Variants in TRPM1 observed in about 807,000 individuals in gnomAD.
The protein encoded by TRPM1 is transient receptor potential cation channel subfamily M member 1.
Under a neutral mutation model 149.4 loss-of-function variants are expected in TRPM1, and 113 were observed. That is an observed-to-expected ratio of 0.76 (90% confidence interval 0.65 to 0.88). The LOEUF is 0.88. TRPM1 is among the 40% of genes least tolerant of loss of function. The pLI is 0.00. For synonymous variants in TRPM1, 741 were observed against 759.5 expected (o/e 0.98, Z 0.40); for missense variants, 1,976 against 2,038.7 (o/e 0.97, Z 0.59).
chr15:31,067,824 A>G, intron 5 of TRPM1, 55 bp downstream of exon 5: 1 of 1,564,084 alleles, frequency 6.4e-7, no homozygotes, highest in Middle Eastern at 2.3e-4. Context: ...TTTGGGGACC[A>G]CAGTGAGTTC....
At chr15:31,058,888 C>A (rs1171268937) in intron 11 of TRPM1, among the ~76,000 whole-genome samples, 1 of 152,056 alleles carries the variant, frequency 6.6e-6, no homozygotes, top group Admixed American at 6.6e-5. Flanking sequence ...TTGAGACCAG[C>A]CTGGCCGACA....
intron 21 of TRPM1, among the ~76,000 whole-genome samples, chr15:31,034,200 C>T (rs969728497): frequency 6.6e-6 from 1 of 152,174 alleles, no homozygotes; most frequent in Admixed American, 6.5e-5. Context: ...AGTATCCGGC[C>T]TATCTTTCCT....
At chr15:31,042,396 T>C in intron 16 of TRPM1, 153 bp from the exon 17 acceptor site, 1 of 775,020 alleles carries the variant, frequency 1.3e-6, no homozygotes, top group Non-Finnish European at 2.1e-6. Context: ...TGAATTCTTT[T>C]GAAAAGATGC....
chr15:31,028,258 A>G, intron 25 of TRPM1, 74 bp downstream of exon 25: 1 of 1,583,674 alleles, frequency 6.3e-7, no homozygotes, highest in African/African-American at 1.3e-5. Flanking sequence ...GTATCTTGGG[A>G]GCGTTCTGAG....
intron 20 of TRPM1, 151 bp downstream of exon 20, chr15:31,037,560 G>C: frequency 1.9e-6 from 2 of 1,077,836 alleles, no homozygotes; most frequent in South Asian, 1.4e-5. Flanking sequence ...GTTAGCCAGA[G>C]ATCTCAATTA....
At position 31,016,532 on chromosome 15, in the gene TRPM1, T is replaced by A. The variant is rs769398235; in HGVS notation, c.3629+9607A>T. ...GTAGCACTGACTTCACAGAAAAAAA[T>A]TCCACTTATGAATACTTTTGAAAAG... On this transcript the variant is annotated intron_variant, in intron 27 of 27. Coordinates refer to ENST00000256552, the MANE Select transcript of TRPM1 (RefSeq NM_001252024.2). Among the ~76,000 whole-genome samples the A allele has an allele frequency of 3.9e-5, 6 of 152,232 alleles. No homozygotes were observed. The East Asian group carries it at 1.2e-3, about 29-fold the overall frequency.
intron 27 of TRPM1, among the ~76,000 whole-genome samples, chr15:31,017,142 C>T (rs988335132): frequency 2.6e-5 from 4 of 152,118 alleles, no homozygotes; most frequent in African/African-American, 9.7e-5. Context: ...CCCGTCTCTA[C>T]TAAAACTACA....
chr15:31,028,442 G>A lies in TRPM1; in HGVS notation c.3183C>T (p.Gly1061=). ...CGGGGATACAGGGAGGAAGCCGCTT[G>A]CCCTCCTCATCATATAGGTTCTCAC... ...PCGENLYDEE[G]KRLPPCIPGA... Residue 1061 remains glycine (G), a synonymous_variant, in exon 25 of 28, where the codon GGC becomes GGT. Coordinates refer to ENST00000256552, the MANE Select transcript of TRPM1 (RefSeq NM_001252024.2). 1 of 1,614,064 alleles carries A rather than the reference G, an allele frequency of 6.2e-7. No individual in the cohort carries two copies. Among genetic ancestry groups the A allele is most frequent in the Non-Finnish European group, 8.5e-7 (1 of 1,180,030 alleles).
intron 27 of TRPM1, among the ~76,000 whole-genome samples, chr15:31,018,582 A>C (rs1251581510): frequency 6.6e-6 from 1 of 152,192 alleles, no homozygotes; most frequent in East Asian, 1.9e-4. Context: ...CATGTTGGTC[A>C]GGCTGCTCTC....
intron 27 of TRPM1, 99 bp downstream of exon 27, chr15:31,026,040 A>T: frequency 6.6e-7 from 1 of 1,512,784 alleles, no homozygotes. Context: ...GAGAACTCGG[A>T]GTGCATGTTT....
intron 24 of TRPM1, 73 bp downstream of exon 24, chr15:31,029,298 G>A: frequency 6.8e-7 from 1 of 1,474,742 alleles, no homozygotes; most frequent in Admixed American, 1.7e-5. Flanking sequence ...AAGACTACTA[G>A]TAATCAGCTA....
intron 11 of TRPM1, among the ~76,000 whole-genome samples, chr15:31,057,836 C>G (rs1418049016): frequency 6.6e-6 from 1 of 152,194 alleles, no homozygotes; most frequent in African/African-American, 2.4e-5. Flanking sequence ...CCACGCTGTT[C>G]TCATGATAGT....
In TRPM1 at chr15:31,138,124, T is replaced by C. The variant is rs577962273; in HGVS notation, c.54+22782A>G. On this transcript the variant is annotated intron_variant, in intron 1 of 26. Transcript: ENST00000542188. ...CCATTCTTGAAGAGCCTCAGCTCCA[T>C]GGCAACCAACAACCTAGGGTGGCCT... 2.6e-4 allele frequency among the ~76,000 whole-genome samples: 39 copies of C among 152,330 alleles called. No homozygotes were observed. The South Asian group carries it at 7.7e-3, about 30-fold the overall frequency.
chr15:31,105,447 G>C (rs1327310404), upstream of TRPM1, among the ~76,000 whole-genome samples: 2 of 47,422 alleles, frequency 4.2e-5, no homozygotes, highest in Admixed American at 1.9e-4. Flanking sequence ...GTGTGTGTGT[G>C]TGTGTGTGTG....
At chr15:31,127,032 A>G (rs1440223400) in intron 1 of TRPM1, among the ~76,000 whole-genome samples, 3 of 152,132 alleles carry the variant, frequency 2.0e-5, no homozygotes, top group South Asian at 4.1e-4. Flanking sequence ...ATAACTGTAG[A>G]AGTTAATGGA....
chr15:31,019,749 T>C (rs992757263), intron 27 of TRPM1, among the ~76,000 whole-genome samples: 1 of 152,082 alleles, frequency 6.6e-6, no homozygotes, highest in Admixed American at 6.6e-5. Flanking sequence ...GTTGACCAGG[T>C]TGGTCTTGAA....
chr15:31,112,537 CAG>C (rs2035704320), intron 1 of TRPM1, among the ~76,000 whole-genome samples: 1 of 152,200 alleles, frequency 6.6e-6, no homozygotes, highest in Non-Finnish European at 1.5e-5. Context: ...CTTTGCTTAG[CAG>C]AGGTTTCTCC....
chr15:31,068,824 G>T (rs574626435), intron 4 of TRPM1, among the ~76,000 whole-genome samples: 4 of 151,126 alleles, frequency 2.6e-5, no homozygotes, highest in African/African-American at 4.9e-5. Flanking sequence ...CAGCAAGAAG[G>T]TGCTATCTAT....
chr15:31,046,112 G>T, intron 16 of TRPM1, 92 bp downstream of exon 16: 1 of 1,284,206 alleles, frequency 7.8e-7, no homozygotes, highest in Non-Finnish European at 1.1e-6. Context: ...ATTTTGGTGA[G>T]TAGTATCGTA....
Sources: gnomAD v4.1 joint callset for allele counts (sites outside exome capture counted in the v4.1 genomes callset) on GRCh38, gnomAD v4.1.1 for gene constraint, MANE v1.5 for transcripts, NCBI Gene and HGNC (gene_info 2026-07-23, HGNC 2026-07-21) for gene names.